Variants in C11orf65 observed in about 807,000 individuals in gnomAD.
C11orf65 encodes the protein protein MFI.
C11orf65 carries 38 observed loss-of-function variants against 35.3 expected under a neutral mutation model. The observed-to-expected ratio is 1.08, with a 90% CI of 0.83 to 1.41. C11orf65 has a LOEUF of 1.41. C11orf65 is among the 40% of genes most tolerant of loss of function. The pLI is 0.00. For synonymous variants in C11orf65, 105 were observed against 114.4 expected, an observed-to-expected ratio of 0.92 and a Z score of 0.53; for missense variants, 370 against 367.1, an observed-to-expected ratio of 1.01 and a Z score of -0.06.
rs1555110591 is a variant in C11orf65 at position 108,310,315 on chromosome 11, G to A, written c.641-1244C>T. On this transcript the variant is annotated intron_variant, in intron 6 of 6. Transcript: ENST00000525729. ...AAAAGTATGGATGATCAAGAGAAAA[G>A]GTAATGGAATTTAGAATTTTTGGTT... 1.2e-6 allele frequency: 2 copies of A among 1,612,370 alleles called. No homozygotes were observed. The highest frequency in any genetic ancestry group is 2.2e-5 in the East Asian group (1 of 44,746).
At chr11:108,400,462 C>A (rs1344780888) in intron 6 of C11orf65, among the ~76,000 whole-genome samples, 1 of 152,140 alleles carries the variant, frequency 6.6e-6, no homozygotes, top group Non-Finnish European at 1.5e-5. Context: ...GATGTACAAG[C>A]CCCTGGGGAC....
At chr11:108,317,330 A>C (rs370973155) in intron 6 of C11orf65, 22 of 1,589,000 alleles carry the variant, frequency 1.4e-5, no homozygotes, top group Middle Eastern at 3.3e-4. Flanking sequence ...TTCTGTTGAT[A>C]TCTTTGATTA....
intron 3 of C11orf65, chr11:108,331,622 A>G: frequency 7.1e-7 from 1 of 1,411,306 alleles, no homozygotes; most frequent in Non-Finnish European, 9.3e-7. Flanking sequence ...TATATTATAT[A>G]AAGTATATAT....
intron 2 of C11orf65, chr11:108,343,447 A>G: frequency 6.4e-7 from 1 of 1,556,566 alleles, no homozygotes; most frequent in Non-Finnish European, 8.8e-7. Flanking sequence ...GTCAGATATT[A>G]TAGAATACAA....
chr11:108,368,169 A>G (rs1381361389), intron 2 of C11orf65: 2 of 207,306 alleles, frequency 9.6e-6, no homozygotes, highest in South Asian at 1.9e-4. Flanking sequence ...CAAGCCTAGG[A>G]GAAATAACTA....
At chr11:108,447,126 C>T (rs1402024054) in intron 2 of C11orf65, among the ~76,000 whole-genome samples, 4 of 152,002 alleles carry the variant, frequency 2.6e-5, no homozygotes, top group Admixed American at 1.3e-4. Flanking sequence ...CACCAAGATT[C>T]ATAAAGCAAG....
intron 2 of C11orf65, among the ~76,000 whole-genome samples, chr11:108,444,294 A>G (rs1186756661): frequency 1.3e-5 from 2 of 152,156 alleles, no homozygotes; most frequent in African/African-American, 4.8e-5. Flanking sequence ...GAATAGACCA[A>G]TAACAGGCCC....
intron 3 of C11orf65, among the ~76,000 whole-genome samples, chr11:108,430,910 ACACACACACACACACACACACACACAC>A (rs2092979956): frequency 1.3e-5 from 1 of 78,388 alleles, no homozygotes; most frequent in South Asian, 2.8e-4. Context: ...ACACACACAC[ACACACACACACACACACACACACACAC>A]ACACACACAG....
At chr11:108,356,264 G>C (rs565625546) in intron 2 of C11orf65, among the ~76,000 whole-genome samples, 3 of 152,092 alleles carry the variant, frequency 2.0e-5, no homozygotes, top group African/African-American at 7.2e-5. Context: ...GGCTGGGCGC[G>C]GTGGCTCATG....
intron 3 of C11orf65, among the ~76,000 whole-genome samples, chr11:108,423,195 T>C (rs980608980): frequency 1.3e-5 from 2 of 152,160 alleles, no homozygotes; most frequent in African/African-American, 2.4e-5. Context: ...CAGTTTTTTT[T>C]CATACCCCAG....
In C11orf65 at chr11:108,405,597, A is replaced by G. The variant is rs766757296; in HGVS notation, c.430-38T>C. 1.1e-5 allele frequency: 17 copies of G among 1,602,748 alleles called. No individual in the cohort carries two copies. In the African/African-American group the frequency reaches 2.0e-4, roughly 19 times the overall value. On this transcript the variant is annotated intron_variant, in intron 5 of 8. Transcript: ENST00000393084. ...AAAAATGAACATACAAAATGTTGAA[A>G]TATCGATTGTGAGGTTATCTGGCAA...
intron 2 of C11orf65, among the ~76,000 whole-genome samples, chr11:108,352,325 G>T (rs2089306118): frequency 6.6e-6 from 1 of 152,140 alleles, no homozygotes; most frequent in South Asian, 2.1e-4. Flanking sequence ...TCTCAGTATA[G>T]AAGTAGATAT....
intron 2 of C11orf65, among the ~76,000 whole-genome samples, chr11:108,446,591 T>C (rs1249382599): frequency 1.2e-4 from 19 of 152,034 alleles, no homozygotes; most frequent in African/African-American, 2.4e-4. Flanking sequence ...CTGAGACATT[T>C]TGTCACCACC....
chr11:108,375,281 C>T (rs1284383686), intron 2 of C11orf65, among the ~76,000 whole-genome samples: 4 of 151,554 alleles, frequency 2.6e-5, no homozygotes, highest in East Asian at 1.9e-4. Context: ...AGACTAACAG[C>T]GGATCTTGGC....
intron 6 of C11orf65, chr11:108,321,188 A>G (rs984566092): frequency 1.4e-6 from 2 of 1,379,930 alleles, no homozygotes; most frequent in Admixed American, 3.9e-5. Context: ...TGTTAGTATT[A>G]TTAGATCAGT....
chr11:108,385,222 C>A (rs1244619160), intron 8 of C11orf65, among the ~76,000 whole-genome samples: 1 of 152,108 alleles, frequency 6.6e-6, no homozygotes, highest in Non-Finnish European at 1.5e-5. Flanking sequence ...CAGACATCTG[C>A]CACCATGCAC....
At chr11:108,314,751 C>T (rs620613) in intron 6 of C11orf65, among the ~76,000 whole-genome samples, 77,181 of 151,962 alleles carry the variant, frequency 0.51, 20,830 homozygotes, top group Middle Eastern at 0.73. Context: ...ATAAACAACA[C>T]AATTTTGTAT....
intron 6 of C11orf65, among the ~76,000 whole-genome samples, chr11:108,398,306 T>C (rs1306394833): frequency 1.1e-4 from 16 of 152,210 alleles, no homozygotes; most frequent in Admixed American, 1.0e-3. Context: ...GTGGAATTAA[T>C]AGGACTTGAT....
downstream of C11orf65, among the ~76,000 whole-genome samples, chr11:108,378,299 C>G (rs1177009811): frequency 6.8e-6 from 1 of 146,230 alleles, no homozygotes; most frequent in African/African-American, 2.5e-5. Context: ...ATCAATGGAA[C>G]AGAACAGAGC....
Sources: gnomAD v4.1 joint callset for allele counts (sites outside exome capture counted in the v4.1 genomes callset) on GRCh38, gnomAD v4.1.1 for gene constraint, MANE v1.5 for transcripts, NCBI Gene and HGNC (gene_info 2026-07-23, HGNC 2026-07-21) for gene names.